HMG20A: variants seen among roughly 807,000 people sequenced by gnomAD.
HMG20A encodes the protein high mobility group 20A.
In HMG20A, 17 loss-of-function variants were observed where a neutral mutation model predicts 43.9. The ratio of observed to expected loss-of-function variants is 0.39; its 90% CI spans 0.27 to 0.58. The LOEUF (loss-of-function observed/expected upper bound fraction) is 0.58. HMG20A is among the 20% of genes least tolerant of loss of function. HMG20A has a pLI of 0.59. For missense variants in HMG20A, 341 were observed against 438.2 expected (o/e 0.78, Z 1.98); for synonymous variants, 132 against 147.5 (o/e 0.89, Z 0.76).
chr15:77,486,286 G>A (rs1388482740), downstream of HMG20A, among the ~76,000 whole-genome samples: 2 of 144,276 alleles, frequency 1.4e-5, no homozygotes, highest in South Asian at 4.4e-4. Flanking sequence ...TTGAGATGGA[G>A]TTTTGCTCTT....
chr15:77,492,956 G>A, the HMG20A span, among the ~76,000 whole-genome samples: 2 of 152,168 alleles, frequency 1.3e-5, no homozygotes, highest in African/African-American at 2.4e-5. Flanking sequence ...AGGAATTTTG[G>A]GTAACTGTGG....
intron 3 of HMG20A, among the ~76,000 whole-genome samples, chr15:77,465,840 A>G (rs1185548151): frequency 6.6e-6 from 1 of 152,210 alleles, no homozygotes; most frequent in Admixed American, 6.5e-5. Context: ...GTCCTTGTTT[A>G]TTTATATTTC....
intron 1 of HMG20A, among the ~76,000 whole-genome samples, chr15:77,434,206 A>G (rs797013355): frequency 2.0e-5 from 3 of 152,324 alleles, no homozygotes; most frequent in African/African-American, 7.2e-5. Context: ...ACCTCACAAC[A>G]TATACAAAAA....
the HMG20A span, among the ~76,000 whole-genome samples, chr15:77,508,361 A>AGTT: frequency 1.3e-5 from 2 of 152,192 alleles, no homozygotes; most frequent in Admixed American, 1.3e-4. Context: ...TGCAGGTAAT[A>AGTT]GTTGCTTCCT....
chr15:77,502,087 G>GA, the HMG20A span, among the ~76,000 whole-genome samples: 14 of 151,940 alleles, frequency 9.2e-5, no homozygotes, highest in Non-Finnish European at 2.1e-4. Flanking sequence ...TTAAGTAGTT[G>GA]AAAAAAATCA....
chr15:77,462,405 CCTT>C (rs1273340735), intron 2 of HMG20A, among the ~76,000 whole-genome samples: 2 of 152,246 alleles, frequency 1.3e-5, no homozygotes, highest in East Asian at 3.9e-4. Context: ...CCTGACTTTT[CCTT>C]CTTCTCACTG....
the HMG20A span, among the ~76,000 whole-genome samples, chr15:77,492,713 A>G: frequency 1.3e-5 from 2 of 152,068 alleles, no homozygotes; most frequent in Non-Finnish European, 1.5e-5. Flanking sequence ...TGGGGGGCTG[A>G]GGTGGGAGGA....
chr15:77,475,333 T>C (rs1048773490), intron 6 of HMG20A, among the ~76,000 whole-genome samples: 2 of 152,256 alleles, frequency 1.3e-5, no homozygotes, highest in African/African-American at 2.4e-5. Flanking sequence ...CTTTAATGTT[T>C]CTTATTTTGT....
downstream of HMG20A, among the ~76,000 whole-genome samples, chr15:77,487,055 C>G (rs1015294079): frequency 1.3e-5 from 2 of 152,192 alleles, no homozygotes; most frequent in African/African-American, 4.8e-5. Flanking sequence ...AAAATAGCCA[C>G]TTGACCATCA....
At chr15:77,493,731 C>T in the HMG20A span, among the ~76,000 whole-genome samples, 4 of 151,988 alleles carry the variant, frequency 2.6e-5, no homozygotes, top group Non-Finnish European at 4.4e-5. Flanking sequence ...AGATGAGTGA[C>T]GGATGAGAGG....
chr15:77,446,190 A>G (rs2073671888), intron 1 of HMG20A, among the ~76,000 whole-genome samples: 1 of 152,156 alleles, frequency 6.6e-6, no homozygotes, highest in South Asian at 2.1e-4. Context: ...GATAATTAAC[A>G]ATTACCTTAG....
intron 1 of HMG20A, among the ~76,000 whole-genome samples, chr15:77,438,781 G>T (rs1195209796): frequency 6.6e-6 from 1 of 152,018 alleles, no homozygotes; most frequent in Admixed American, 6.5e-5. Context: ...CATTTCAAGA[G>T]AAAATGTTTT....
chr15:77,437,627 G>A (rs749973900), intron 1 of HMG20A, among the ~76,000 whole-genome samples: 4 of 151,822 alleles, frequency 2.6e-5, no homozygotes, highest in East Asian at 1.9e-4. Context: ...GCTGGAGTGC[G>A]GTGGCGTGAT....
At chr15:77,455,019 ATGC>A (rs2072641433) in intron 1 of HMG20A, among the ~76,000 whole-genome samples, 1 of 152,000 alleles carries the variant, frequency 6.6e-6, no homozygotes, top group South Asian at 2.1e-4. Flanking sequence ...CAGAAGGAAT[ATGC>A]TGCATCTCTA....
At chr15:77,512,543 T>C in the HMG20A span, among the ~76,000 whole-genome samples, 1 of 152,158 alleles carries the variant, frequency 6.6e-6, no homozygotes, top group Admixed American at 6.6e-5. Flanking sequence ...GAGTTAATAT[T>C]AACACAAGTA....
At chr15:77,453,394 C>T (rs1421266757) in intron 1 of HMG20A, among the ~76,000 whole-genome samples, 1 of 152,150 alleles carries the variant, frequency 6.6e-6, no homozygotes, top group Non-Finnish European at 1.5e-5. Context: ...CACTTCACAT[C>T]TACTAGGATG....
Position 77,451,903 on chromosome 15 carries a change from A to T in HMG20A, c.-4-6501A>T, listed in dbSNP as rs142719659. On this transcript the variant is annotated intron_variant, in intron 1 of 9. Coordinates refer to ENST00000336216, the MANE Select transcript of HMG20A (RefSeq NM_001304504.2). ...TGAATGGAAAGTTGAAAATTCCAAT[A>T]CAGAATATACATCAATCGGCCATGT... Among the ~76,000 whole-genome samples, 189 of 152,330 alleles carry T rather than the reference A, an allele frequency of 1.2e-3. 1 individual carries two copies. Among genetic ancestry groups the T allele is most frequent in the African/African-American group, 4.4e-3 (184 of 41,578 alleles).
At chr15:77,496,087 G>A in the HMG20A span, among the ~76,000 whole-genome samples, 35 of 152,236 alleles carry the variant, frequency 2.3e-4, 1 homozygote, top group Middle Eastern at 0.02. Flanking sequence ...GGAAGATGCC[G>A]GAGCCTCAGC....
At chr15:77,441,853 G>C (rs2073616558) in intron 1 of HMG20A, among the ~76,000 whole-genome samples, 1 of 152,138 alleles carries the variant, frequency 6.6e-6, no homozygotes, top group African/African-American at 2.4e-5. Context: ...TATTTGGACA[G>C]AGTTTCTAGT....
Sources: gnomAD v4.1 joint callset for allele counts (sites outside exome capture counted in the v4.1 genomes callset) on GRCh38, gnomAD v4.1.1 for gene constraint, MANE v1.5 for transcripts, NCBI Gene and HGNC (gene_info 2026-07-23, HGNC 2026-07-21) for gene names.